The following FNDC3B variants were observed in gnomAD, a reference collection of about 807,000 sequenced individuals.
FNDC3B encodes the protein fibronectin type III domain-containing protein 3B.
In FNDC3B, 12 loss-of-function variants were observed where a neutral mutation model predicts 151.5. That is an observed-to-expected ratio of 0.08 (90% CI 0.05 to 0.13). The LOEUF is 0.13. Among genes scored for constraint, FNDC3B ranks in the 10% least tolerant of loss-of-function variants. FNDC3B has a pLI of 1.00. For synonymous variants in FNDC3B, 528 were observed against 549.0 expected (o/e 0.96, Z 0.54); for missense variants, 1,214 against 1,505.3 (o/e 0.81, Z 3.20).
At chr3:172,289,015 C>T (rs1295023453) in intron 7 of FNDC3B, among the ~76,000 whole-genome samples, 1 of 152,172 alleles carries the variant, frequency 6.6e-6, no homozygotes, top group Non-Finnish European at 1.5e-5. Flanking sequence ...TTTCCTATTG[C>T]TGCTGTAATG....
intron 15 of FNDC3B, among the ~76,000 whole-genome samples, chr3:172,335,970 A>G (rs575878218): frequency 5.9e-5 from 9 of 152,314 alleles, no homozygotes; most frequent in East Asian, 1.9e-4. Context: ...AGAGATGGAT[A>G]TAATTCAGAG....
At chr3:172,238,055 G>A (rs2108756616) in intron 4 of FNDC3B, among the ~76,000 whole-genome samples, 1 of 152,286 alleles carries the variant, frequency 6.6e-6, no homozygotes, top group East Asian at 1.9e-4. Context: ...TTACAGATGT[G>A]AAGAGAAATG....
At chr3:172,143,667 T>C (rs900594126) in intron 3 of FNDC3B, among the ~76,000 whole-genome samples, 6 of 152,122 alleles carry the variant, frequency 3.9e-5, no homozygotes, top group African/African-American at 1.4e-4. Context: ...TCCCAGCACT[T>C]TGGGAGGCCG....
rs992104199 is a variant in FNDC3B, at chr3:172,288,661, G to A, written c.849+2677G>A. Among the ~76,000 whole-genome samples, 13 of 152,206 alleles carry A rather than the reference G, an allele frequency of 8.5e-5. 1 individual carries two copies. Among genetic ancestry groups the A allele is most frequent in the African/African-American group, 3.1e-4 (13 of 41,460 alleles). On this transcript the variant is annotated intron_variant, in intron 7 of 25. Transcript: ENST00000415807. Reference sequence around the variant, plus strand: ...AAGCCTCAAGTAGTTACACACTCCAGAGTCATGAAAGATCTGTAGATCCGC... The same window carrying A: ...AAGCCTCAAGTAGTTACACACTCCAAAGTCATGAAAGATCTGTAGATCCGC...
At chr3:172,165,480 T>G (rs919798119) in intron 3 of FNDC3B, among the ~76,000 whole-genome samples, 3 of 152,248 alleles carry the variant, frequency 2.0e-5, no homozygotes, top group African/African-American at 7.2e-5. Context: ...GCTTTCCATT[T>G]TTTTGTTTTG....
At chr3:172,259,862 A>G (rs1308477938) in intron 6 of FNDC3B, among the ~76,000 whole-genome samples, 1 of 152,218 alleles carries the variant, frequency 6.6e-6, no homozygotes, top group East Asian at 1.9e-4. Flanking sequence ...ATGTCAAGTT[A>G]AGAAGTCTTA....
chr3:172,080,787 C>T lies in FNDC3B; in HGVS notation c.-28-31665C>T, dbSNP rs143320639. On this transcript the variant is annotated intron_variant, in intron 1 of 25. Transcript: ENST00000415807. ...GGGAGTTAGATGGTGAATCTCCTCT[C>T]TGTGTCTGTTAAGGGCACCTCATGT... Among the ~76,000 whole-genome samples, 162 of 152,320 alleles carry T rather than the reference C, an allele frequency of 1.1e-3. 1 individual carries two copies. The highest frequency in any genetic ancestry group is 3.7e-3 in the African/African-American group (152 of 41,576).
chr3:172,201,926 G>T (rs1023891921), intron 3 of FNDC3B, among the ~76,000 whole-genome samples: 3 of 152,176 alleles, frequency 2.0e-5, no homozygotes, highest in African/African-American at 7.2e-5. Context: ...ATCTGGGTGT[G>T]CTCTTTTATC....
intron 3 of FNDC3B, among the ~76,000 whole-genome samples, chr3:172,169,520 T>C (rs746327522): frequency 1.3e-5 from 2 of 152,326 alleles, no homozygotes; most frequent in East Asian, 3.9e-4. Context: ...GAGAGCAACC[T>C]TGAAGAGCAG....
At chr3:172,337,231 A>G in intron 15 of FNDC3B, 99 bp from the exon 16 acceptor site, 1 of 722,256 alleles carries the variant, frequency 1.4e-6, no homozygotes, top group Non-Finnish European at 2.3e-6. Context: ...TCTAGAATTC[A>G]GATAGTATAA....
intron 22 of FNDC3B, among the ~76,000 whole-genome samples, chr3:172,353,498 G>A (rs934116939): frequency 1.4e-4 from 21 of 152,218 alleles, no homozygotes; most frequent in Admixed American, 1.1e-3. Context: ...TTGGAGATAC[G>A]TTGACTTTTA....
At chr3:172,241,072 AT>A (rs1473652582) in intron 4 of FNDC3B, among the ~76,000 whole-genome samples, 1 of 152,150 alleles carries the variant, frequency 6.6e-6, no homozygotes, top group Non-Finnish European at 1.5e-5. Context: ...ATCAGGCCAG[AT>A]TTCTTCATTA....
chr3:172,396,364 C>T (rs971199290), intron 25 of FNDC3B, among the ~76,000 whole-genome samples: 16 of 151,996 alleles, frequency 1.1e-4, no homozygotes, highest in African/African-American at 3.6e-4. Flanking sequence ...TGAGGGGATG[C>T]GTTTGTAATG....
intron 6 of FNDC3B, among the ~76,000 whole-genome samples, chr3:172,281,098 G>A (rs770892941): frequency 4.0e-5 from 6 of 151,800 alleles, no homozygotes; most frequent in Non-Finnish European, 7.4e-5. Flanking sequence ...AATTAGAGGC[G>A]CCCAACTTAG....
At chr3:172,286,248 CT>C (rs150604933) in intron 7 of FNDC3B, among the ~76,000 whole-genome samples, 6 of 140,834 alleles carry the variant, frequency 4.3e-5, no homozygotes, top group Admixed American at 1.3e-4. Flanking sequence ...TCCAAAGATT[CT>C]TTTTTTTCTC....
chr3:172,228,171 A>C (rs1726690125), intron 4 of FNDC3B, among the ~76,000 whole-genome samples: 1 of 152,318 alleles, frequency 6.6e-6, no homozygotes, highest in East Asian at 1.9e-4. Flanking sequence ...CTTACTTTAC[A>C]CAAGTCTTTG....
At chr3:172,102,405 T>C (rs1283198663) in intron 1 of FNDC3B, among the ~76,000 whole-genome samples, 1 of 152,202 alleles carries the variant, frequency 6.6e-6, no homozygotes, top group Non-Finnish European at 1.5e-5. Flanking sequence ...CATTTTTTTT[T>C]TCTTCTATTC....
At chr3:172,392,810 CT>C (rs1167627679) in intron 25 of FNDC3B, among the ~76,000 whole-genome samples, 8 of 99,898 alleles carry the variant, frequency 8.0e-5, no homozygotes, top group African/African-American at 1.8e-4. Context: ...TTTTTTTTTT[CT>C]TTTTTTTTTT....
intron 6 of FNDC3B, among the ~76,000 whole-genome samples, chr3:172,284,777 G>A (rs1383679987): frequency 1.3e-5 from 2 of 149,656 alleles, no homozygotes; most frequent in African/African-American, 2.5e-5. Context: ...ACAAGGCACT[G>A]TAATTGCCTA....
Sources: gnomAD v4.1 joint callset for allele counts (sites outside exome capture counted in the v4.1 genomes callset) on GRCh38, gnomAD v4.1.1 for gene constraint, MANE v1.5 for transcripts, NCBI Gene and HGNC (gene_info 2026-07-23, HGNC 2026-07-21) for gene names.